Variants in ZNF322 observed in about 807,000 individuals in gnomAD.
ZNF322 encodes the protein HLA complex group 12.
In ZNF322, 1 loss-of-function variant was observed where a neutral mutation model predicts 18.3. That is an observed-to-expected ratio of 0.05 (90% CI 0.02 to 0.26). The LOEUF is 0.26. Ranked by LOEUF, ZNF322 falls within the 10% of genes least tolerant of loss-of-function variation. ZNF322 has a pLI of 1.00. For synonymous variants in ZNF322, 17 were observed against 130.7 expected (o/e 0.13, Z 5.93); for missense variants, 36 against 403.6 (o/e 0.09, Z 7.80).
intron 1 of ZNF322, 124 bp downstream of exon 1, chr6:26,659,313 CGCCG>C (rs1404908708): frequency 8.9e-5 from 14 of 156,656 alleles, no homozygotes; most frequent in Admixed American, 8.5e-4. Context: ...GTCCTCCGTC[CGCCG>C]TCAGCGGAGA....
In ZNF322 at chr6:26,650,031, C is replaced by T. The variant is rs532595984; in HGVS notation, c.-245-6303G>A. 4.0e-5 allele frequency among the ~76,000 whole-genome samples: 6 copies of T among 151,886 alleles called. No homozygotes were observed. In the South Asian group the frequency reaches 1.3e-3, roughly 32 times the overall value. ...ACATTTTATATATATAAAAAATGAA[C>T]AAAGTCAACGGTCAATGGGCAAACT... is the stretch of plus-strand genomic sequence containing the variant. On this transcript the variant is annotated intron_variant, in intron 2 of 3. Transcript: ENST00000415922.
chr6:26,640,853 C>T (rs567068529), intron 3 of ZNF322, among the ~76,000 whole-genome samples: 90 of 152,156 alleles, frequency 5.9e-4, no homozygotes, highest in Admixed American at 1.1e-3. Flanking sequence ...AGAAGGTACA[C>T]GGTTTCTTAA....
At chr6:26,654,731 C>T (rs191786029) in intron 2 of ZNF322, among the ~76,000 whole-genome samples, 157 of 151,706 alleles carry the variant, frequency 1.0e-3, no homozygotes, top group African/African-American at 3.7e-3. Flanking sequence ...AAAAATTTCA[C>T]GATGTTCAAT....
intron 2 of ZNF322, among the ~76,000 whole-genome samples, chr6:26,653,999 T>C (rs782679157): frequency 1.3e-5 from 2 of 152,178 alleles, no homozygotes; most frequent in Admixed American, 6.5e-5. Flanking sequence ...GGACTATGTA[T>C]ATTCAATCTA....
In ZNF322 at chr6:26,656,099, A is replaced by G. The variant is rs192981155; in HGVS notation, c.-246+2459T>C. Among the ~76,000 whole-genome samples the G allele has an allele frequency of 1.0e-3, 157 of 152,322 alleles. 1 individual carries two copies. The highest frequency in any genetic ancestry group is 6.7e-3 in the Admixed American group (102 of 15,302). On this transcript the variant is annotated intron_variant, in intron 2 of 3. Transcript: ENST00000415922. The stretch of plus-strand genomic sequence containing the variant: ...TGTACCATTTTGCAATTTTTTGTAT[A>G]TCTGTACTTATTCAAAATTAAAAGG...
chr6:26,650,763 T>C (rs1765653238), intron 2 of ZNF322, among the ~76,000 whole-genome samples: 1 of 152,156 alleles, frequency 6.6e-6, no homozygotes, highest in South Asian at 2.1e-4. Flanking sequence ...AAAGAAAATT[T>C]GAAAACTCTA....
chr6:26,654,647 TA>T (rs1283209432), intron 2 of ZNF322, among the ~76,000 whole-genome samples: 3 of 151,324 alleles, frequency 2.0e-5, no homozygotes, highest in Non-Finnish European at 4.4e-5. Flanking sequence ...TTGTACTCAT[TA>T]AAAAAAAGTG....
chr6:26,649,371 T>TG lies in ZNF322; in HGVS notation c.-245-5644dup, dbSNP rs1334240621. On this transcript the variant is annotated intron_variant, in intron 2 of 3. Coordinates refer to ENST00000415922, the MANE Select transcript of ZNF322 (RefSeq NM_024639.5). ...ACATCTCAAATCACCAGGGCAAAAA[T>TG]GGACTTTTTAATAAATGATGGTAAA... 9.9e-5 allele frequency among the ~76,000 whole-genome samples: 15 copies of TG among 151,944 alleles called. No individual in the cohort carries two copies. The East Asian group carries it at 2.9e-3, about 29-fold the overall frequency.
chr6:26,658,739 C>T (rs1269624176), intron 1 of ZNF322, 93 bp from the exon 2 acceptor site: 1 of 155,264 alleles, frequency 6.4e-6, no homozygotes, highest in Non-Finnish European at 1.5e-5. Context: ...GTCCCATTTC[C>T]TCTCCATTCT....
At position 26,649,698 on chromosome 6, in the gene ZNF322, TA is replaced by T. The variant is rs57968893; in HGVS notation, c.-245-5971del. Among the ~76,000 whole-genome samples the T allele has an allele frequency of 4.3e-3, 295 of 68,820 alleles. 3 individuals carry two copies. Among genetic ancestry groups the T allele is most frequent in the South Asian group, 0.015 (25 of 1,684 alleles). 45.1% of individuals were successfully genotyped at this position (68,820 alleles called of 152,430 possible). ...GTGTATATATATATATATATATATA[TA>T]TATTTTTTTTTTTTTTTTTTTGAGA... On this transcript the variant is annotated intron_variant, in intron 2 of 3. Transcript: ENST00000415922.
intron 2 of ZNF322, among the ~76,000 whole-genome samples, chr6:26,646,032 A>AAAATAAATAAAT (rs58017104): frequency 2.0e-4 from 30 of 147,912 alleles, no homozygotes; most frequent in Non-Finnish European, 3.3e-4. Flanking sequence ...ACTCCGCCTC[A>AAAATAAATAAAT]AAATAAATAA....
intron 2 of ZNF322, among the ~76,000 whole-genome samples, chr6:26,646,950 A>G (rs569369928): frequency 4.6e-5 from 7 of 152,316 alleles, no homozygotes; most frequent in South Asian, 2.1e-4. Context: ...TCATAATTGA[A>G]AATATTATAT....
rs1554148014 is a variant in ZNF322 at position 26,638,410 on chromosome 6, G to A, written c.144C>T (p.Cys48=). 5 of 1,613,932 alleles carry A rather than the reference G, an allele frequency of 3.1e-6. No individual in the cohort carries two copies. Among genetic ancestry groups the A allele is most frequent in the South Asian group, 1.1e-5 (1 of 91,074 alleles). The part of the protein sequence containing the change: ...IDGHIYQCLE[C]KQNFCENLAL... Reference sequence around the variant, plus strand: ...CTAAGTTTTCACAGAAGTTTTGCTTGCATTCAAGGCACTGGTATATATGAC... The same window carrying A: ...CTAAGTTTTCACAGAAGTTTTGCTTACATTCAAGGCACTGGTATATATGAC... Residue 48 remains cysteine, a synonymous_variant, in exon 4 of 4, where the codon TGC becomes TGT. Transcript: ENST00000415922.
intron 2 of ZNF322, among the ~76,000 whole-genome samples, chr6:26,654,308 T>C (rs1174491610): frequency 6.6e-6 from 1 of 152,140 alleles, no homozygotes; most frequent in African/African-American, 2.4e-5. Flanking sequence ...TTCCTAGTAA[T>C]GTTTGCTGAG....
At chr6:26,642,518 T>C (rs1164136971) in intron 3 of ZNF322, among the ~76,000 whole-genome samples, 1 of 152,144 alleles carries the variant, frequency 6.6e-6, no homozygotes, top group Non-Finnish European at 1.5e-5. Context: ...TTTGAGCATA[T>C]CTCCATGATC....
intron 2 of ZNF322, among the ~76,000 whole-genome samples, chr6:26,651,800 C>T (rs1476768485): frequency 6.6e-6 from 1 of 152,118 alleles, no homozygotes; most frequent in African/African-American, 2.4e-5. Flanking sequence ...TAGAGGATAA[C>T]ATAGGAGAAA....
intron 2 of ZNF322, among the ~76,000 whole-genome samples, chr6:26,657,880 G>A (rs144309570): frequency 6.6e-6 from 1 of 152,096 alleles, no homozygotes; most frequent in African/African-American, 2.4e-5. Context: ...ATCCTAGGAA[G>A]AGACTAGTAC....
chr6:26,655,135 G>C (rs1311868836), intron 2 of ZNF322, among the ~76,000 whole-genome samples: 1 of 152,186 alleles, frequency 6.6e-6, no homozygotes, highest in Non-Finnish European at 1.5e-5. Context: ...AAAGTCTGAA[G>C]ATATGTTCAC....
At chr6:26,652,736 A>G (rs1301583010) in intron 2 of ZNF322, among the ~76,000 whole-genome samples, 1 of 152,192 alleles carries the variant, frequency 6.6e-6, no homozygotes, top group Admixed American at 6.5e-5. Flanking sequence ...TGTACAACAT[A>G]AAGAGTGAAC....
Sources: allele counts gnomAD v4.1 joint callset (sites outside exome capture counted in the v4.1 genomes callset), GRCh38; gene constraint gnomAD v4.1.1; transcripts MANE v1.5; gene names NCBI Gene and HGNC (gene_info 2026-07-23, HGNC 2026-07-21).